The following DROSHA variants were observed in gnomAD, a reference collection of about 807,000 sequenced individuals.
The protein encoded by DROSHA is ribonuclease 3.
A neutral mutation model predicts 181.9 loss-of-function variants in DROSHA; 56 were observed. The observed-to-expected ratio is 0.31, with a 90% confidence interval of 0.25 to 0.38. DROSHA has a LOEUF of 0.38. Among genes scored for constraint, DROSHA ranks in the 10% least tolerant of loss-of-function variants. The pLI is 1.00. For synonymous variants in DROSHA, 524 were observed against 591.2 expected, an observed-to-expected ratio of 0.89 and a Z score of 1.65; for missense variants, 1,218 against 1,743.5, an observed-to-expected ratio of 0.70 and a Z score of 5.37.
Position 31,514,948 on chromosome 5 carries a change from G to T in DROSHA, c.1290+40C>A, listed in dbSNP as rs376577683. On this transcript the variant is annotated intron_variant, in intron 8 of 35. Coordinates refer to ENST00000344624, the MANE Select transcript of DROSHA (RefSeq NM_001382508.1). The surrounding 1 kb of genome is among the most constrained non-coding windows in gnomAD (Gnocchi z 4.4). ...CAAAGGCCAATAGTGACAACGCCGAGAAGCCCTAGTCTACAGCTTGTCTGC... is the reference window on the plus strand; with the variant it reads ...CAAAGGCCAATAGTGACAACGCCGATAAGCCCTAGTCTACAGCTTGTCTGC... 1.4e-4 allele frequency: 223 copies of T among 1,586,378 alleles called. No homozygotes were observed. In the African/African-American group the frequency reaches 2.7e-3, roughly 19 times the overall value.
Position 31,483,646 on chromosome 5 carries a change from G to GAAAAAAAAAA in DROSHA, c.1997-28_1997-19dup. 9.7e-6 allele frequency: 12 copies of GAAAAAAAAAA among 1,236,472 alleles called. No individual in the cohort carries two copies. Among genetic ancestry groups the GAAAAAAAAAA allele is most frequent in the African/African-American group, 3.2e-5 (2 of 62,246 alleles). The allele number at this position is 1,236,472 out of a possible 1,614,324, so 76.6% of individuals were successfully genotyped here. On this transcript the variant is annotated intron_variant, in intron 15 of 35. Transcript: ENST00000344624. The stretch of plus-strand genomic sequence containing the variant: ...CAAAGGACCTGAAGCAAACAAATGA[G>GAAAAAAAAAA]AAAAAAAAAAAAAAAAGAAAACTCA...
intron 30 of DROSHA, among the ~76,000 whole-genome samples, chr5:31,417,332 A>C (rs1742066499): frequency 6.6e-6 from 1 of 152,248 alleles, no homozygotes; most frequent in Non-Finnish European, 1.5e-5. Context: ...GAGCCAGTTC[A>C]TATAAGGTGA....
chr5:31,502,846 C>A (rs979055633), intron 11 of DROSHA, among the ~76,000 whole-genome samples: 1 of 152,144 alleles, frequency 6.6e-6, no homozygotes, highest in Non-Finnish European at 1.5e-5. Context: ...TCTCTCCCAG[C>A]GGGTGGAGTT....
intron 16 of DROSHA, among the ~76,000 whole-genome samples, chr5:31,483,125 A>C (rs1192027583): frequency 6.6e-6 from 1 of 152,210 alleles, no homozygotes; most frequent in Non-Finnish European, 1.5e-5. Flanking sequence ...AAATGAATTC[A>C]AGCACATGTC....
At chr5:31,413,651 C>G (rs904591947) in intron 30 of DROSHA, among the ~76,000 whole-genome samples, 3 of 152,186 alleles carry the variant, frequency 2.0e-5, no homozygotes, top group Non-Finnish European at 2.9e-5. Flanking sequence ...GAACTGACAC[C>G]CTCCTCAGAA....
chr5:31,431,778 G>A, intron 25 of DROSHA, 100 bp from the exon 26 acceptor site: 1 of 1,012,948 alleles, frequency 9.9e-7, no homozygotes, highest in Non-Finnish European at 1.5e-6. Flanking sequence ...GAGACGAGAT[G>A]GGGGCAGCGT....
intron 23 of DROSHA, 150 bp from the exon 24 acceptor site, chr5:31,437,448 C>T (rs1745009881): frequency 5.7e-6 from 4 of 703,868 alleles, no homozygotes; most frequent in Non-Finnish European, 2.3e-6. Flanking sequence ...CACAGACCAC[C>T]ATCTTAGCCT....
chr5:31,447,077 T>C (rs1378385692), intron 23 of DROSHA, among the ~76,000 whole-genome samples: 2 of 152,050 alleles, frequency 1.3e-5, no homozygotes. Context: ...CATGGAATAC[T>C]ATGCAGCCAT....
chr5:31,531,110 T>G (rs1276592348), intron 2 of DROSHA, among the ~76,000 whole-genome samples, 186 bp from the exon 3 acceptor site: 3 of 152,056 alleles, frequency 2.0e-5, no homozygotes, highest in Admixed American at 6.5e-5. Flanking sequence ...TCAGAGATAA[T>G]AAGACACACA....
At chr5:31,483,509 C>T in intron 16 of DROSHA, 45 bp downstream of exon 16, 1 of 1,587,230 alleles carries the variant, frequency 6.3e-7, no homozygotes, top group Non-Finnish European at 8.6e-7. Flanking sequence ...AGCTTATTTT[C>T]AGATGCACTA....
chr5:31,526,040 C>T, intron 5 of DROSHA, 39 bp downstream of exon 5: 1 of 1,520,870 alleles, frequency 6.6e-7, no homozygotes, highest in South Asian at 1.3e-5. Flanking sequence ...GTGCCTGGGC[C>T]TCTGCAGTTC....
At chr5:31,426,762 C>G (rs562249462) in intron 27 of DROSHA, among the ~76,000 whole-genome samples, 1 of 152,108 alleles carries the variant, frequency 6.6e-6, no homozygotes, top group East Asian at 1.9e-4. Flanking sequence ...GCTTGGGAGG[C>G]TGTAACCAAA....
intron 2 of DROSHA, 111 bp downstream of exon 2, chr5:31,531,339 C>T (rs1741345592): frequency 6.5e-6 from 1 of 152,898 alleles, no homozygotes; most frequent in South Asian, 2.1e-4. Flanking sequence ...ATGGATGTTT[C>T]AGTAGTTAGA....
In DROSHA at chr5:31,486,565, G is replaced by C; in HGVS notation, c.1843-3C>G. 6.2e-7 allele frequency: 1 copy of C among 1,612,678 alleles called. No individual in the cohort carries two copies. Among genetic ancestry groups the C allele is most frequent in the Non-Finnish European group, 8.5e-7 (1 of 1,179,324 alleles). On this transcript the variant is annotated splice_region_variant and splice_polypyrimidine_tract_variant and intron_variant, in intron 13 of 35. Transcript: ENST00000344624. ...CTAATTACTTTACACAGTGGAATCT[G>C]CAATAAAAAGAAGTGAGGTTCAGTT...
chr5:31,417,701 C>T (rs1167959507), intron 30 of DROSHA, among the ~76,000 whole-genome samples: 4 of 152,190 alleles, frequency 2.6e-5, no homozygotes, highest in African/African-American at 7.2e-5. Flanking sequence ...GGAGGTCTGA[C>T]GACTGAGAAC....
At chr5:31,457,371 C>T (rs1435389886) in intron 20 of DROSHA, among the ~76,000 whole-genome samples, 3 of 151,984 alleles carry the variant, frequency 2.0e-5, no homozygotes, top group Non-Finnish European at 4.4e-5. Context: ...GTGATCTGCC[C>T]ACCTCGGCCT....
In DROSHA at chr5:31,401,415, C is replaced by T. The variant is rs1197405684; in HGVS notation, c.*17G>A. The T allele has an allele frequency of 6.2e-7, 1 of 1,609,286 alleles. No individual in the cohort carries two copies. Among genetic ancestry groups the T allele is most frequent in the African/African-American group, 1.3e-5 (1 of 74,792 alleles). ...AGTTACTGAGCAAGTAAATACTCCA[C>T]ACTTGCATGCCCTCCTTTATTTCTT... On this transcript the variant is annotated 3_prime_UTR_variant, in exon 36 of 36. Transcript: ENST00000344624.
intron 16 of DROSHA, among the ~76,000 whole-genome samples, chr5:31,479,994 T>A (rs59495952): frequency 0.013 from 2,015 of 151,774 alleles, 45 homozygotes; most frequent in African/African-American, 0.046. Context: ...TGGCATTTAT[T>A]TTTTCTTTGT....
At chr5:31,401,587 A>T in intron 35 of DROSHA, 25 bp from the exon 36 acceptor site, 3 of 1,331,716 alleles carry the variant, frequency 2.3e-6, no homozygotes, top group Non-Finnish European at 2.9e-6. Context: ...TATATTTTAT[A>T]TTTAATAAAA....
Sources: gnomAD v4.1 joint callset for allele counts (sites outside exome capture counted in the v4.1 genomes callset) on GRCh38, gnomAD v4.1.1 for gene constraint, Gnocchi (gnomAD v3.1) non-coding constraint, MANE v1.5 for transcripts, NCBI Gene and HGNC (gene_info 2026-07-23, HGNC 2026-07-21) for gene names.